Variants in GREB1L observed in about 807,000 individuals in gnomAD.
GREB1L encodes the protein GREB1 like retinoic acid receptor coactivator.
In GREB1L, 17 loss-of-function variants were observed where a neutral mutation model predicts 200.8. The ratio of observed to expected loss-of-function variants is 0.08; its 90% CI spans 0.06 to 0.13. The LOEUF (loss-of-function observed/expected upper bound fraction) is 0.13. Ranked by LOEUF, GREB1L falls within the 10% of genes least tolerant of loss-of-function variation. The pLI is 1.00. For synonymous variants in GREB1L, 789 were observed against 893.0 expected, an observed-to-expected ratio of 0.88 and a Z score of 2.08; for missense variants, 1,657 against 2,367.7, an observed-to-expected ratio of 0.70 and a Z score of 6.23.
intron 17 of GREB1L, among the ~76,000 whole-genome samples, chr18:21,478,756 CAG>C (rs1321313459): frequency 1.2e-4 from 18 of 152,236 alleles, no homozygotes; most frequent in Non-Finnish European, 2.5e-4. Context: ...GGTGAGATAA[CAG>C]AGCTGCCAGA....
At chr18:21,444,592 A>C (rs2034102358) in intron 11 of GREB1L, among the ~76,000 whole-genome samples, 183 bp downstream of exon 11, 1 of 149,246 alleles carries the variant, frequency 6.7e-6, no homozygotes, top group African/African-American at 2.5e-5. Flanking sequence ...TTTCTTTTCT[A>C]CTCCTTTCCT....
chr18:21,455,833 G>T (rs930583399), intron 15 of GREB1L, among the ~76,000 whole-genome samples: 2 of 151,130 alleles, frequency 1.3e-5, no homozygotes, highest in African/African-American at 4.9e-5. Flanking sequence ...ATCACCTGGG[G>T]ATCTTGCTAA....
intron 4 of GREB1L, among the ~76,000 whole-genome samples, chr18:21,394,281 T>G (rs2040950990): frequency 6.6e-6 from 1 of 152,162 alleles, no homozygotes. Context: ...CAATTTGGAG[T>G]GTCACAACTC....
At chr18:21,423,746 T>TA (rs1179519895) in intron 7 of GREB1L, among the ~76,000 whole-genome samples, 1 of 152,024 alleles carries the variant, frequency 6.6e-6, no homozygotes, top group Non-Finnish European at 1.5e-5. Flanking sequence ...CTTTTGGTCC[T>TA]ACCTACATGG....
At chr18:21,388,532 CCTTTTTTTTTT>C in intron 4 of GREB1L, among the ~76,000 whole-genome samples, 1 of 122,098 alleles carries the variant, frequency 8.2e-6, no homozygotes, top group Non-Finnish European at 1.6e-5. Flanking sequence ...TCCTTAGGTT[CCTTTTTTTTTT>C]TTTTTTTTTT....
chr18:21,432,602 C>A (rs1230722355), intron 7 of GREB1L, among the ~76,000 whole-genome samples: 1 of 149,038 alleles, frequency 6.7e-6, no homozygotes, highest in African/African-American at 2.5e-5. Context: ...TTGAATATTT[C>A]TGCTCAGAAG....
chr18:21,295,883 G>T (rs747623479), intron 1 of GREB1L, among the ~76,000 whole-genome samples: 18 of 152,118 alleles, frequency 1.2e-4, no homozygotes, highest in Non-Finnish European at 2.2e-4. Context: ...AATCACCTGC[G>T]GAGCTTTAAC....
chr18:21,412,074 A>AG (rs2031106997), intron 7 of GREB1L, among the ~76,000 whole-genome samples: 1 of 149,240 alleles, frequency 6.7e-6, no homozygotes, highest in Admixed American at 6.7e-5. Context: ...AAAAAAAAAA[A>AG]AAATAGAATG....
At chr18:21,361,974 G>C (rs945143182) in intron 1 of GREB1L, among the ~76,000 whole-genome samples, 1 of 152,146 alleles carries the variant, frequency 6.6e-6, no homozygotes, top group Non-Finnish European at 1.5e-5. Flanking sequence ...CTTAGGGCCA[G>C]TGTGTATAAG....
intron 1 of GREB1L, among the ~76,000 whole-genome samples, chr18:21,322,700 T>G (rs2038968119): frequency 6.6e-6 from 1 of 152,110 alleles, no homozygotes; most frequent in African/African-American, 2.4e-5. Context: ...AACAGTGAAC[T>G]AATTATAATA....
At chr18:21,328,963 A>T (rs2039065810) in intron 1 of GREB1L, among the ~76,000 whole-genome samples, 1 of 152,122 alleles carries the variant, frequency 6.6e-6, no homozygotes, top group Non-Finnish European at 1.5e-5. Flanking sequence ...AATGTGGGGG[A>T]GCTGGGATCC....
Position 21,464,257 on chromosome 18 carries a change from C to T in GREB1L, c.2183-8774C>T, listed in dbSNP as rs1408784814. ...TAAAATGTCATTAGGGGGCCGGGCG[C>T]GGTCGCTCACGCCTGTAATCCCAGC... On this transcript the variant is annotated intron_variant, in intron 15 of 32. Transcript: ENST00000424526. 3.9e-5 allele frequency among the ~76,000 whole-genome samples: 6 copies of T among 152,062 alleles called. No homozygotes were observed. The East Asian group carries it at 5.8e-4, about 15-fold the overall frequency.
At chr18:21,327,908 GT>G (rs2039047765) in intron 1 of GREB1L, among the ~76,000 whole-genome samples, 1 of 151,932 alleles carries the variant, frequency 6.6e-6, no homozygotes, top group Admixed American at 6.5e-5. Context: ...TAGAGACGGG[GT>G]TTCACCATGT....
chr18:21,522,585 T>A, intron 32 of GREB1L, 73 bp from the exon 33 acceptor site: 6 of 1,173,012 alleles, frequency 5.1e-6, no homozygotes, highest in Non-Finnish European at 7.0e-6. Context: ...GCTTAGGAAA[T>A]ATAATCAGAG....
chr18:21,363,730 T>C (rs1046653139), intron 1 of GREB1L: 5 of 152,196 alleles, frequency 3.3e-5, no homozygotes, highest in African/African-American at 1.2e-4. Flanking sequence ...AAGGAAACAC[T>C]GTTAGAAATC....
intron 17 of GREB1L, among the ~76,000 whole-genome samples, chr18:21,482,289 A>C (rs1463234290): frequency 1.3e-5 from 2 of 152,214 alleles, no homozygotes; most frequent in Non-Finnish European, 2.9e-5. Context: ...ACGGAGTCTC[A>C]CTCTGTTAGC....
At chr18:21,290,019 A>G (rs1246391445) in intron 1 of GREB1L, among the ~76,000 whole-genome samples, 1 of 152,202 alleles carries the variant, frequency 6.6e-6, no homozygotes, top group Non-Finnish European at 1.5e-5. Context: ...GGGATTTACC[A>G]GTGACTTACT....
chr18:21,321,530 CA>C (rs935052144), intron 1 of GREB1L, among the ~76,000 whole-genome samples: 32 of 151,238 alleles, frequency 2.1e-4, no homozygotes, highest in Non-Finnish European at 3.7e-4. Flanking sequence ...ACTAAAAATA[CA>C]AAAAAATTAG....
intron 23 of GREB1L, among the ~76,000 whole-genome samples, chr18:21,503,476 G>C (rs892891855): frequency 3.9e-5 from 6 of 151,980 alleles, no homozygotes; most frequent in Non-Finnish European, 8.8e-5. Flanking sequence ...AAAGTGCTGG[G>C]ATTACAGGTG....
Sources: allele counts gnomAD v4.1 joint callset (sites outside exome capture counted in the v4.1 genomes callset), GRCh38; gene constraint gnomAD v4.1.1; transcripts MANE v1.5; gene names NCBI Gene and HGNC (gene_info 2026-07-23, HGNC 2026-07-21).